Variants in RIMS2 observed in about 807,000 individuals in gnomAD.
RIMS2 encodes regulating synaptic membrane exocytosis protein 2.
In RIMS2, 59 loss-of-function variants were observed where a neutral mutation model predicts 174.4. The observed-to-expected ratio is 0.34, with a 90% CI of 0.27 to 0.42. RIMS2 has a LOEUF of 0.42. RIMS2 is among the 10% of genes least tolerant of loss of function. The pLI is 1.00. For synonymous variants in RIMS2, 606 were observed against 572.5 expected (o/e 1.06, Z -0.84); for missense variants, 1,620 against 1,666.3 (o/e 0.97, Z 0.48).
chr8:104,202,718 C>T (rs1047741452), intron 19 of RIMS2, among the ~76,000 whole-genome samples: 5 of 152,238 alleles, frequency 3.3e-5, no homozygotes, highest in African/African-American at 1.2e-4. Flanking sequence ...GCTAGGGCCC[C>T]ATTTTAATGC....
chr8:103,694,285 T>C (rs1486648662), intron 1 of RIMS2, among the ~76,000 whole-genome samples: 1 of 152,150 alleles, frequency 6.6e-6, no homozygotes, highest in African/African-American at 2.4e-5. Flanking sequence ...GCCTCTGTTT[T>C]ACTGAGCTGG....
intron 2 of RIMS2, among the ~76,000 whole-genome samples, chr8:103,762,732 G>A (rs1439941228): frequency 2.6e-5 from 4 of 152,078 alleles, no homozygotes; most frequent in Non-Finnish European, 4.4e-5. Context: ...TGCATCATTA[G>A]GCAATTTTGT....
intron 19 of RIMS2, among the ~76,000 whole-genome samples, chr8:104,231,257 T>C (rs2099226683): frequency 6.6e-6 from 1 of 152,190 alleles, no homozygotes; most frequent in South Asian, 2.1e-4. Context: ...CATCTTCATC[T>C]TAACACTACC....
intron 1 of RIMS2, among the ~76,000 whole-genome samples, chr8:103,552,528 C>T (rs1848487752): frequency 6.6e-6 from 1 of 152,212 alleles, no homozygotes; most frequent in African/African-American, 2.4e-5. Flanking sequence ...GCATTCAGGA[C>T]ATAAGCATGG....
At chr8:104,008,683 G>A (rs1394270516) in intron 17 of RIMS2, among the ~76,000 whole-genome samples, 1 of 151,810 alleles carries the variant, frequency 6.6e-6, no homozygotes, top group Non-Finnish European at 1.5e-5. Context: ...ATAGGCTTGT[G>A]GGTAATAGTA....
rs199526226 is a variant in RIMS2, at chr8:103,793,627, T to G, written c.698+27090T>G. Among the ~76,000 whole-genome samples the G allele has an allele frequency of 5.6e-3, 854 of 152,024 alleles. 2 individuals are homozygous for G. Among genetic ancestry groups the G allele is most frequent in the Non-Finnish European group, 7.4e-3 (502 of 67,948 alleles). On this transcript the variant is annotated intron_variant, in intron 3 of 23. Transcript: ENST00000504942. ...AATAAAGGGTATTCAATTAGGAAAA[T>G]AGGAAGTCAAATTGTCCCTGTTTGC... is the stretch of plus-strand genomic sequence containing the variant.
chr8:103,578,379 A>G (rs2430752), intron 1 of RIMS2, among the ~76,000 whole-genome samples: 1 of 151,832 alleles, frequency 6.6e-6, no homozygotes. Flanking sequence ...AAAATACAAA[A>G]ATTAGCTGAG....
At chr8:103,832,591 T>C (rs1428683262) in intron 3 of RIMS2, among the ~76,000 whole-genome samples, 1 of 152,162 alleles carries the variant, frequency 6.6e-6, no homozygotes, top group Non-Finnish European at 1.5e-5. Flanking sequence ...TATGTGTCCA[T>C]GTGTTCTCAT....
At chr8:103,719,321 G>GA (rs1024080310) in intron 2 of RIMS2, among the ~76,000 whole-genome samples, 1 of 152,096 alleles carries the variant, frequency 6.6e-6, no homozygotes, top group Non-Finnish European at 1.5e-5. Flanking sequence ...GGTAGTCAAT[G>GA]TTTTTTTGCT....
At chr8:104,228,922 T>C (rs1259620267) in intron 19 of RIMS2, among the ~76,000 whole-genome samples, 1 of 152,240 alleles carries the variant, frequency 6.6e-6, no homozygotes, top group African/African-American at 2.4e-5. Flanking sequence ...TTAAGAAAAG[T>C]AAATTGAGTA....
At chr8:104,079,642 T>TATATAA (rs2097372199) in intron 19 of RIMS2, among the ~76,000 whole-genome samples, 1 of 115,622 alleles carries the variant, frequency 8.6e-6, no homozygotes. Context: ...TATATATATA[T>TATATAA]GAAGTAAAAG....
intron 2 of RIMS2, among the ~76,000 whole-genome samples, chr8:103,717,323 A>G (rs369118039): frequency 6.8e-6 from 1 of 146,484 alleles, no homozygotes; most frequent in African/African-American, 2.5e-5. Flanking sequence ...AAAAAAAAAA[A>G]CCTGTAGGAA....
chr8:103,916,032 GA>G (rs1595081694), intron 7 of RIMS2, among the ~76,000 whole-genome samples: 2 of 152,038 alleles, frequency 1.3e-5, no homozygotes, highest in East Asian at 3.9e-4. Context: ...TTTTACAAGA[GA>G]ATTTAGATAC....
intron 19 of RIMS2, chr8:104,093,567 A>G: frequency 1.3e-6 from 2 of 1,597,610 alleles, no homozygotes; most frequent in East Asian, 2.2e-5. Context: ...TTCAAGGACT[A>G]GTAGTGCTTC....
intron 3 of RIMS2, among the ~76,000 whole-genome samples, chr8:103,825,347 G>A (rs2098782647): frequency 6.6e-6 from 1 of 151,800 alleles, no homozygotes; most frequent in Admixed American, 6.6e-5. Context: ...GCAGTGGCGT[G>A]ATCTCGGCTC....
At chr8:103,764,765 C>G (rs1021107810) in intron 2 of RIMS2, among the ~76,000 whole-genome samples, 2 of 151,940 alleles carry the variant, frequency 1.3e-5, no homozygotes, top group African/African-American at 4.8e-5. Context: ...CATATTTCCC[C>G]CAGAAGAATT....
intron 3 of RIMS2, among the ~76,000 whole-genome samples, chr8:103,864,174 A>C (rs1318538287): frequency 6.6e-6 from 1 of 151,038 alleles, no homozygotes; most frequent in African/African-American, 2.4e-5. Context: ...TTTTTGTCTC[A>C]GTTTCATTTA....
At chr8:103,889,960 T>A (rs2099232981) in intron 4 of RIMS2, among the ~76,000 whole-genome samples, 1 of 151,964 alleles carries the variant, frequency 6.6e-6, no homozygotes, top group Admixed American at 6.6e-5. Context: ...TGTGATTTTG[T>A]TCTACCTTTT....
intron 19 of RIMS2, among the ~76,000 whole-genome samples, chr8:104,154,188 G>A (rs2098707399): frequency 6.6e-6 from 1 of 152,182 alleles, no homozygotes; most frequent in African/African-American, 2.4e-5. Context: ...AGGGAGACAG[G>A]AAATAAATTC....
Sources: allele counts gnomAD v4.1 joint callset (sites outside exome capture counted in the v4.1 genomes callset), GRCh38; gene constraint gnomAD v4.1.1; transcripts MANE v1.5; gene names NCBI Gene and HGNC (gene_info 2026-07-23, HGNC 2026-07-21).